HEXB: variants seen among roughly 807,000 people sequenced by gnomAD.
The protein encoded by HEXB is hexosaminidase subunit beta, also known as beta-hexosaminidase subunit beta.
In HEXB, 51 loss-of-function variants were observed where a neutral mutation model predicts 71.2. The ratio of observed to expected loss-of-function variants is 0.72; its 90% CI spans 0.57 to 0.90. The LOEUF is 0.90. Ranked by LOEUF, HEXB falls within the 40% of genes least tolerant of loss-of-function variation. The pLI is 0.00. For missense variants in HEXB, 617 were observed against 677.0 expected, an observed-to-expected ratio of 0.91 and a Z score of 0.98; for synonymous variants, 266 against 249.3, an observed-to-expected ratio of 1.07 and a Z score of -0.63.
chr5:74,666,116 T>G (rs1748427476), intron 1 of HEXB, among the ~76,000 whole-genome samples: 1 of 152,242 alleles, frequency 6.6e-6, no homozygotes, highest in African/African-American at 2.4e-5. Context: ...ACAGGAGAAT[T>G]GTTGAAACTG....
intron 1 of HEXB, among the ~76,000 whole-genome samples, chr5:74,649,407 A>G (rs1032570550): frequency 6.6e-6 from 1 of 152,222 alleles, no homozygotes; most frequent in Non-Finnish European, 1.5e-5. Flanking sequence ...CCTAACATTT[A>G]TATGGTCTTG....
chr5:74,694,884 T>C (rs1749077662), intron 3 of HEXB, among the ~76,000 whole-genome samples: 1 of 151,970 alleles, frequency 6.6e-6, no homozygotes, highest in Non-Finnish European at 1.5e-5. Flanking sequence ...GCAGGAGAAT[T>C]GCTTGAACCT....
chr5:74,700,560 G>A (rs944196463), intron 5 of HEXB, among the ~76,000 whole-genome samples: 3 of 151,926 alleles, frequency 2.0e-5, no homozygotes. Flanking sequence ...GCCTCCCAAA[G>A]TGTTGGGATT....
At chr5:74,654,785 G>A (rs1274878371) in intron 1 of HEXB, among the ~76,000 whole-genome samples, 1 of 152,198 alleles carries the variant, frequency 6.6e-6, no homozygotes, top group African/African-American at 2.4e-5. Flanking sequence ...TGTGGGGAGT[G>A]CGCTAGAGGG....
chr5:74,685,999 C>A (rs1306813019), intron 1 of HEXB, among the ~76,000 whole-genome samples: 1 of 152,112 alleles, frequency 6.6e-6, no homozygotes, highest in Non-Finnish European at 1.5e-5. Context: ...CGCCCCCTCA[C>A]CTCTCCTCAC....
intron 2 of HEXB, chr5:74,689,840 G>A (rs1561215650): frequency 1.5e-5 from 3 of 203,870 alleles, no homozygotes; most frequent in Non-Finnish European, 9.9e-6. Context: ...TGTGCTTCTT[G>A]TATTTTTGTT....
chr5:74,691,746 A>C (rs1749008520), intron 2 of HEXB, among the ~76,000 whole-genome samples: 1 of 152,246 alleles, frequency 6.6e-6, no homozygotes, highest in Non-Finnish European at 1.5e-5. Flanking sequence ...AGGAGATTTT[A>C]GCCTTATCTA....
At position 74,707,554 on chromosome 5, in the gene HEXB, G is replaced by A. The variant is rs945478796; in HGVS notation, c.771+2234G>A. Among the ~76,000 whole-genome samples the A allele has an allele frequency of 2.0e-5, 3 of 152,298 alleles. No individual in the cohort carries two copies. The South Asian group carries it at 6.2e-4, about 32-fold the overall frequency. On this transcript the variant is annotated intron_variant, in intron 6 of 13. Coordinates refer to ENST00000261416, the MANE Select transcript of HEXB (RefSeq NM_000521.4). ...TAAAAACTTTGAAAAAAATTTAGAC[G>A]AATGTACAACTAGAATAACCAATAC...
intron 1 of HEXB, among the ~76,000 whole-genome samples, chr5:74,676,127 T>A (rs1748626457): frequency 6.6e-6 from 1 of 152,242 alleles, no homozygotes; most frequent in Admixed American, 6.5e-5. Flanking sequence ...CAGTTTTTGT[T>A]TTTTGTTTTG....
intron 2 of HEXB, among the ~76,000 whole-genome samples, chr5:74,692,255 T>C (rs1432552296): frequency 6.9e-6 from 1 of 145,788 alleles, no homozygotes; most frequent in Non-Finnish European, 1.5e-5. Flanking sequence ...CCCAACACTT[T>C]GGGAGGCTGA....
At chr5:74,710,518 T>C (rs569860152) in intron 6 of HEXB, among the ~76,000 whole-genome samples, 3,627 of 152,158 alleles carry the variant, frequency 0.024, 144 homozygotes, top group African/African-American at 0.083. Flanking sequence ...GCAGATGACA[T>C]GATTGTATAT....
At chr5:74,713,371 A>G in intron 6 of HEXB, 135 bp from the exon 7 acceptor site, 2 of 805,956 alleles carry the variant, frequency 2.5e-6, no homozygotes, top group Non-Finnish European at 2.1e-6. Flanking sequence ...GAGTCATCTA[A>G]TATCACATGA....
intron 1 of HEXB, among the ~76,000 whole-genome samples, chr5:74,647,570 G>A (rs888730794): frequency 2.6e-5 from 4 of 152,190 alleles, no homozygotes; most frequent in African/African-American, 9.6e-5. Flanking sequence ...TTCTCCTCAT[G>A]ATTTTGAAAA....
intron 1 of HEXB, among the ~76,000 whole-genome samples, chr5:74,644,736 C>T: frequency 7.1e-6 from 1 of 141,160 alleles, no homozygotes; most frequent in South Asian, 2.3e-4. Context: ...CATGATAAAC[C>T]TTGAGAGTAT....
chr5:74,692,589 G>A (rs1032812256), intron 2 of HEXB, among the ~76,000 whole-genome samples: 5 of 152,170 alleles, frequency 3.3e-5, no homozygotes, highest in Non-Finnish European at 5.9e-5. Context: ...ATCTAATGGA[G>A]TGTGGTTATC....
At chr5:74,690,647 C>T (rs1232290061) in intron 2 of HEXB, among the ~76,000 whole-genome samples, 1 of 86,988 alleles carries the variant, frequency 1.1e-5, no homozygotes, top group East Asian at 3.9e-4. Flanking sequence ...GTGAGACAGT[C>T]TCAAAAAAAA....
chr5:74,708,718 G>GATC (rs1389994050), intron 6 of HEXB, among the ~76,000 whole-genome samples: 3 of 151,340 alleles, frequency 2.0e-5, no homozygotes, highest in Admixed American at 6.6e-5. Context: ...ATGGTAAAGG[G>GATC]ATCAATTCAA....
At chr5:74,670,940 T>C (rs1748525586) in intron 1 of HEXB, among the ~76,000 whole-genome samples, 1 of 152,122 alleles carries the variant, frequency 6.6e-6, no homozygotes, top group African/African-American at 2.4e-5. Context: ...TGTACCAGAA[T>C]GCAGGCCGGG....
At chr5:74,648,322 T>G (rs1236863179) in intron 1 of HEXB, among the ~76,000 whole-genome samples, 1 of 152,246 alleles carries the variant, frequency 6.6e-6, no homozygotes, top group Non-Finnish European at 1.5e-5. Flanking sequence ...CTGACTATTG[T>G]ATTAAAAAAC....
Sources: gnomAD v4.1 joint callset for allele counts (sites outside exome capture counted in the v4.1 genomes callset) on GRCh38, gnomAD v4.1.1 for gene constraint, MANE v1.5 for transcripts, NCBI Gene and HGNC (gene_info 2026-07-23, HGNC 2026-07-21) for gene names.